Variants in NECAB2 observed in about 807,000 individuals in gnomAD.
NECAB2 encodes N-terminal EF-hand calcium binding protein 2, also known as N-terminal EF-hand calcium-binding protein 2.
In NECAB2, 68 loss-of-function variants were observed where a neutral mutation model predicts 51.9. The observed-to-expected ratio is 1.31, with a 90% CI of 1.08 to 1.60. NECAB2 has a LOEUF of 1.60. NECAB2 is among the 40% of genes most tolerant of loss of function. The pLI, the probability that NECAB2 is intolerant of heterozygous loss-of-function variation, is 0.00. For missense variants in NECAB2, 854 were observed against 490.3 expected, an observed-to-expected ratio of 1.74 and a Z score of -7.00; for synonymous variants, 329 against 203.5, an observed-to-expected ratio of 1.62 and a Z score of -5.25.
In NECAB2 at chr16:83,990,489, C is replaced by G. The variant is rs192026610; in HGVS notation, c.460-5C>G. ...CCCTCAGTGCCTCTTCTCTTCCTTC[C>G]ACAGGTATATGAGGGTGGGAGCAAC... On this transcript the variant is annotated splice_polypyrimidine_tract_variant and splice_region_variant and intron_variant, in intron 5 of 12. Coordinates refer to ENST00000305202, the MANE Select transcript of NECAB2 (RefSeq NM_019065.3). The G allele has an allele frequency of 6.2e-7, 1 of 1,613,986 alleles. No individual in the cohort carries two copies. The highest frequency in any genetic ancestry group is 8.5e-7 in the Non-Finnish European group (1 of 1,179,936).
At chr16:83,989,357 C>T (rs911890775) in intron 5 of NECAB2, among the ~76,000 whole-genome samples, 2 of 152,218 alleles carry the variant, frequency 1.3e-5, no homozygotes, top group East Asian at 1.9e-4. Context: ...ACCTTCACCA[C>T]GCCTTAGCTG....
chr16:83,992,210 T>TCAAAA (rs58214301), intron 6 of NECAB2, among the ~76,000 whole-genome samples: 1 of 151,800 alleles, frequency 6.6e-6, no homozygotes, highest in African/African-American at 2.4e-5. Flanking sequence ...GGAGTGTTTC[T>TCAAAA]TTCTGGTCTT....
chr16:83,978,486 C>T lies in NECAB2; in HGVS notation c.269C>T (p.Ala90Val), dbSNP rs1374217699. 1 of 1,614,042 alleles carries T rather than the reference C, an allele frequency of 6.2e-7. No individual in the cohort carries two copies. Among genetic ancestry groups the T allele is most frequent in the Admixed American group, 1.7e-5 (1 of 60,008 alleles). Residue 90 changes from alanine to valine, a missense_variant, in exon 3 of 13, where the codon GCA becomes GTA. Coordinates refer to ENST00000305202, the MANE Select transcript of NECAB2 (RefSeq NM_019065.3). ...TTGGAGGAATTCCAGCTCTTCTTTG[C>T]AGATGGCGTCCTTAATGAGAAAGAA... ...LSLEEFQLFF[A>V]DGVLNEKELE...
At chr16:83,992,385 C>CCCG (rs926988959) in intron 6 of NECAB2, among the ~76,000 whole-genome samples, 2 of 143,956 alleles carry the variant, frequency 1.4e-5, no homozygotes, top group Admixed American at 6.8e-5. Context: ...CGTCCCCCCG[C>CCCG]CCACCTCCAT....
chr16:83,971,922 T>A (rs968709538), intron 1 of NECAB2: 1 of 608,176 alleles, frequency 1.6e-6, no homozygotes, highest in Admixed American at 2.9e-5. Flanking sequence ...AGGCTGGTGG[T>A]ACTGGCAGCC....
intron 11 of NECAB2, among the ~76,000 whole-genome samples, chr16:84,001,047 C>T (rs966729122): frequency 6.6e-6 from 1 of 152,116 alleles, no homozygotes; most frequent in Non-Finnish European, 1.5e-5. Context: ...GCTTCTGTGC[C>T]CCTAGAGCAC....
Position 83,981,118 on chromosome 16 carries a change from T to C in NECAB2, c.450T>C (p.Tyr150=). The stretch of plus-strand genomic sequence containing the variant: ...ACTCTGTCCTGAAGGCCATGGGTTA[T>C]ACCAAGAAGGTCAGTGGGTGTAGGT... The part of the protein sequence containing the change: ...LNHSVLKAMG[Y]TKKVYEGGSN... Residue 150 remains tyrosine, a synonymous_variant, in exon 5 of 13, where the codon TAT becomes TAC. Coordinates refer to ENST00000305202, the MANE Select transcript of NECAB2 (RefSeq NM_019065.3). The C allele has an allele frequency of 1.9e-6, 3 of 1,613,658 alleles. No individual in the cohort carries two copies. The highest frequency in any genetic ancestry group is 2.5e-6 in the Non-Finnish European group (3 of 1,179,874).
upstream of NECAB2, chr16:83,965,919 C>A: frequency 6.2e-7 from 1 of 1,612,726 alleles, no homozygotes; most frequent in Non-Finnish European, 8.5e-7. Context: ...GGGCCGCTGG[C>A]CGGGGACAAC....
intron 2 of NECAB2, among the ~76,000 whole-genome samples, chr16:83,976,833 ACC>A (rs912231549): frequency 2.6e-5 from 4 of 151,258 alleles, no homozygotes; most frequent in African/African-American, 9.7e-5. Flanking sequence ...AGATCTGAGG[ACC>A]CCCCCTCTCC....
upstream of NECAB2, chr16:83,965,813 G>T (rs201285659): frequency 6.2e-7 from 1 of 1,612,964 alleles, no homozygotes. Context: ...TGACTTTGCA[G>T]TGGATCCTGA....
rs529072530 is a variant in NECAB2 at position 84,002,399 on chromosome 16, G to T, written c.*53G>T. On this transcript the variant is annotated 3_prime_UTR_variant, in exon 13 of 13. Transcript: ENST00000305202. ...CCACCAGCCCCTTCTTCTTGTGAAG[G>T]AAATCCCGTTTTTTTCTAGACAGAC... 6.4e-7 allele frequency: 1 copy of T among 1,567,440 alleles called. No homozygotes were observed. The highest frequency in any genetic ancestry group is 1.8e-5 in the African/African-American group (1 of 55,056).
At chr16:83,997,336 A>T in intron 9 of NECAB2, 67 bp downstream of exon 9, 1 of 1,603,128 alleles carries the variant, frequency 6.2e-7, no homozygotes, top group South Asian at 1.1e-5. Flanking sequence ...CCAAGATCCA[A>T]GTGGCTCAAT....
chr16:83,978,400 A>C, intron 2 of NECAB2, 44 bp from the exon 3 acceptor site: 1 of 1,554,394 alleles, frequency 6.4e-7, no homozygotes, highest in Non-Finnish European at 8.9e-7. Context: ...CACCAGCCTT[A>C]TCTCTGCAGA....
upstream of NECAB2, among the ~76,000 whole-genome samples, chr16:83,967,114 C>T (rs1039991228): frequency 3.9e-5 from 6 of 152,144 alleles, no homozygotes; most frequent in Non-Finnish European, 5.9e-5. Context: ...TCAAGTGATC[C>T]GCCCTCTTTG....
At chr16:83,974,641 G>T (rs571605260) in intron 2 of NECAB2, among the ~76,000 whole-genome samples, 2 of 152,210 alleles carry the variant, frequency 1.3e-5, no homozygotes, top group African/African-American at 2.4e-5. Flanking sequence ...ACGAAAACAA[G>T]GCTCGGAGAT....
At chr16:83,990,271 T>G (rs955221405) in intron 5 of NECAB2, among the ~76,000 whole-genome samples, 1 of 152,162 alleles carries the variant, frequency 6.6e-6, no homozygotes. Context: ...ACAGAGCTAG[T>G]AAGTGGTGAA....
chr16:83,965,434 T>C (rs566932575), upstream of NECAB2: 66 of 1,591,598 alleles, frequency 4.1e-5, no homozygotes, highest in Middle Eastern at 1.3e-3. Flanking sequence ...CCTCAGACCC[T>C]GTCCTCATCA....
chr16:83,974,790 G>A lies in NECAB2; in HGVS notation c.226+2615G>A, dbSNP rs74404612. Among the ~76,000 whole-genome samples the A allele has an allele frequency of 3.9e-5, 6 of 151,908 alleles. No individual in the cohort carries two copies. In the East Asian group the frequency reaches 1.2e-3, roughly 29 times the overall value. On this transcript the variant is annotated intron_variant, in intron 2 of 12. Transcript: ENST00000305202. Reference sequence around the variant, plus strand: ...AGGGGAGTGGTGTGGGAATAGAATGGCTGGGGAAAGAGGAATGAGTGTAGG... The same window carrying A: ...AGGGGAGTGGTGTGGGAATAGAATGACTGGGGAAAGAGGAATGAGTGTAGG...
At chr16:83,978,336 T>C in intron 2 of NECAB2, 108 bp from the exon 3 acceptor site, 1 of 793,790 alleles carries the variant, frequency 1.3e-6, no homozygotes, top group Non-Finnish European at 2.1e-6. Context: ...GAGCTGCAGT[T>C]GTTCTGTCAG....
Sources: gnomAD v4.1 joint callset for allele counts (sites outside exome capture counted in the v4.1 genomes callset) on GRCh38, gnomAD v4.1.1 for gene constraint, MANE v1.5 for transcripts, NCBI Gene and HGNC (gene_info 2026-07-23, HGNC 2026-07-21) for gene names.